The following KCTD6 variants were observed in gnomAD, a reference collection of about 807,000 sequenced individuals.
KCTD6 encodes the protein potassium channel tetramerization domain containing 6, also known as BTB/POZ domain-containing protein KCTD6.
A neutral mutation model predicts 18.7 loss-of-function variants in KCTD6; 6 were observed. That is an observed-to-expected ratio of 0.32 (90% CI 0.18 to 0.63). The LOEUF (loss-of-function observed/expected upper bound fraction) is 0.63, where lower values mean the gene tolerates loss of function less well. Ranked by LOEUF, KCTD6 falls within the 30% of genes least tolerant of loss-of-function variation. The pLI, the probability that KCTD6 is intolerant of heterozygous loss-of-function variation, is 0.79. For synonymous variants in KCTD6, 86 were observed against 108.5 expected (o/e 0.79, Z 1.29); for missense variants, 165 against 300.2 (o/e 0.55, Z 3.33).
chr3:58,502,328 C>CA lies in KCTD6; in HGVS notation c.*700dup, dbSNP rs2063208520. On this transcript the variant is annotated 3_prime_UTR_variant, in exon 3 of 3. Transcript: ENST00000404589. ...TGTACTGTCTACCAGAAAAAAAAAA[C>CA]AAAACTAATAAAAAATGAAATATGA... is the stretch of plus-strand genomic sequence containing the variant. The CA allele has an allele frequency of 6.8e-6, 1 of 147,632 alleles. No homozygotes were observed. Among genetic ancestry groups the CA allele is most frequent in the South Asian group, 2.1e-4 (1 of 4,682 alleles). 9.1% of individuals were successfully genotyped at this position (147,632 alleles called of 1,614,324 possible).
chr3:58,501,671 G>A lies in KCTD6; in HGVS notation c.*39G>A. On this transcript the variant is annotated 3_prime_UTR_variant, in exon 3 of 3. Coordinates refer to ENST00000404589, the MANE Select transcript of KCTD6 (RefSeq NM_001128214.2). This position sits in a 1 kb window ranked among gnomAD's most constrained non-coding sequence, Gnocchi z 9.7. Reference sequence around the variant, plus strand: ...CACAGGTTCCTGGAAAGACTCTCCAGGAAATGGAAGATACTGATTTTTTTT... The same window carrying A: ...CACAGGTTCCTGGAAAGACTCTCCAAGAAATGGAAGATACTGATTTTTTTT... 2 of 1,245,866 alleles carry A rather than the reference G, an allele frequency of 1.6e-6. No individual in the cohort carries two copies. The highest frequency in any genetic ancestry group is 2.1e-6 in the Non-Finnish European group (2 of 966,268). 77.2% of individuals were successfully genotyped at this position (1,245,866 alleles called of 1,614,324 possible).
chr3:58,499,347 A>G (rs2063194288), intron 2 of KCTD6, among the ~76,000 whole-genome samples: 2 of 152,124 alleles, frequency 1.3e-5, no homozygotes, highest in Admixed American at 1.3e-4. Flanking sequence ...CTTCATGAAT[A>G]GTGACTACAA....
chr3:58,492,116 T>C lies in KCTD6; in HGVS notation c.-97T>C, dbSNP rs2107971717. 6.7e-6 allele frequency: 1 copy of C among 148,666 alleles called. No individual in the cohort carries two copies. The highest frequency in any genetic ancestry group is 6.7e-5 in the Admixed American group (1 of 14,924). 9.2% of individuals were successfully genotyped at this position (148,666 alleles called of 1,614,324 possible). On this transcript the variant is annotated 5_prime_UTR_variant, in exon 1 of 3. Coordinates refer to ENST00000404589, the MANE Select transcript of KCTD6 (RefSeq NM_001128214.2). The surrounding 1 kb of genome is among the most constrained non-coding windows in gnomAD (Gnocchi z 6.1). ...GGCTCGCTTGTCCCCGCGCTCGCGC[T>C]CTCCGGCCGCGGGCATCTCCCGGCC...
Position 58,498,661 on chromosome 3 carries a change from C to G in KCTD6, c.-43-52C>G, listed in dbSNP as rs149884323. ...GTTGGGTGGAAAAAGACTTTCTTCT[C>G]TATTTTCCTAGTTATATATGCTATC... On this transcript the variant is annotated intron_variant, in intron 1 of 2. Coordinates refer to ENST00000404589, the MANE Select transcript of KCTD6 (RefSeq NM_001128214.2). The surrounding 1 kb of genome is among the most constrained non-coding windows in gnomAD (Gnocchi z 4.6). 4.2e-6 allele frequency: 4 copies of G among 948,120 alleles called. No homozygotes were observed. Among genetic ancestry groups the G allele is most frequent in the Non-Finnish European group, 6.8e-6 (4 of 588,450 alleles). 58.7% of individuals were successfully genotyped at this position (948,120 alleles called of 1,614,324 possible). A position where few individuals can be genotyped will look rare whatever the true frequency, so the allele number is the denominator to read the frequency against.
Position 58,497,142 on chromosome 3 carries a change from C to A in KCTD6, c.-43-1571C>A, listed in dbSNP as rs2063178381. Among the ~76,000 whole-genome samples, 1 of 152,192 alleles carries A rather than the reference C, an allele frequency of 6.6e-6. No individual in the cohort carries two copies. Among genetic ancestry groups the A allele is most frequent in the Non-Finnish European group, 1.5e-5 (1 of 68,024 alleles). On this transcript the variant is annotated intron_variant, in intron 1 of 2. Coordinates refer to ENST00000404589, the MANE Select transcript of KCTD6 (RefSeq NM_001128214.2). The surrounding 1 kb of genome is among the most constrained non-coding windows in gnomAD (Gnocchi z 4.2). Reference sequence around the variant, plus strand: ...TAGCATGTGGAGGCCTGTCTATATCCAACTGCTGAGTGTAAAGAATAAAAA... The same window carrying A: ...TAGCATGTGGAGGCCTGTCTATATCAAACTGCTGAGTGTAAAGAATAAAAA...
intron 2 of KCTD6, chr3:58,500,278 A>ATTTTTTTTTT (rs66715551): frequency 2.5e-5 from 3 of 119,116 alleles, no homozygotes; most frequent in Non-Finnish European, 3.4e-5. Flanking sequence ...CACCCAGTGA[A>ATTTTTTTTTT]TTTTTTTTTT....
chr3:58,499,262 C>T (rs931472073), intron 2 of KCTD6, among the ~76,000 whole-genome samples: 3 of 152,164 alleles, frequency 2.0e-5, no homozygotes, highest in Admixed American at 6.5e-5. Flanking sequence ...ATGGATTTTC[C>T]AAATACTTTT....
rs1189577133 is a variant in KCTD6 at position 58,492,465 on chromosome 3, C to T, written c.-44+296C>T. On this transcript the variant is annotated intron_variant, in intron 1 of 2. Coordinates refer to ENST00000404589, the MANE Select transcript of KCTD6 (RefSeq NM_001128214.2). The surrounding 1 kb of genome is among the most constrained non-coding windows in gnomAD (Gnocchi z 6.1). ...CCGCGGCGCGCCCCTCGTCCGGGCC[C>T]GGAGCATCGCCCGCCCTACCCCTGG... Among the ~76,000 whole-genome samples the T allele has an allele frequency of 1.3e-5, 2 of 151,730 alleles. No individual in the cohort carries two copies. The highest frequency in any genetic ancestry group is 6.6e-5 in the Admixed American group (1 of 15,252).
chr3:58,497,297 G>A lies in KCTD6; in HGVS notation c.-43-1416G>A, dbSNP rs1295027345. On this transcript the variant is annotated intron_variant, in intron 1 of 2. Transcript: ENST00000404589. The surrounding 1 kb of genome is among the most constrained non-coding windows in gnomAD (Gnocchi z 4.2). ...ATGCAAATGTTCTCTACATGCCTGA[G>A]TGACCTTTTGAGAAAGAGCCTTTGT... Among the ~76,000 whole-genome samples, 5 of 152,240 alleles carry A rather than the reference G, an allele frequency of 3.3e-5. No homozygotes were observed. The highest frequency in any genetic ancestry group is 7.3e-5 in the Non-Finnish European group (5 of 68,048).
At position 58,498,558 on chromosome 3, in the gene KCTD6, T is replaced by C. The variant is rs1043087955; in HGVS notation, c.-43-155T>C. 1.7e-6 allele frequency: 1 copy of C among 600,032 alleles called. No homozygotes were observed. The highest frequency in any genetic ancestry group is 3.2e-5 in the Admixed American group (1 of 31,488). 37.2% of individuals were successfully genotyped at this position (600,032 alleles called of 1,614,324 possible). A position where few individuals can be genotyped will look rare whatever the true frequency, so the allele number is the denominator to read the frequency against. On this transcript the variant is annotated intron_variant, in intron 1 of 2. Transcript: ENST00000404589. This position sits in a 1 kb window ranked among gnomAD's most constrained non-coding sequence, Gnocchi z 4.6. Reference sequence around the variant, plus strand: ...ATGTAGAAGGCCCTAGGGGAATGCTTTCTTCCCCAGATCTTTGCCCTGTAG... The same window carrying C: ...ATGTAGAAGGCCCTAGGGGAATGCTCTCTTCCCCAGATCTTTGCCCTGTAG...
intron 2 of KCTD6, among the ~76,000 whole-genome samples, chr3:58,499,545 TC>T (rs1425736173): frequency 1.5e-5 from 2 of 137,392 alleles, no homozygotes; most frequent in Non-Finnish European, 3.1e-5. Flanking sequence ...TTTTCTTTCT[TC>T]CTTTTTTTTT....
In KCTD6 at chr3:58,492,994, C is replaced by A. The variant is rs745476739; in HGVS notation, c.-44+825C>A. On this transcript the variant is annotated intron_variant, in intron 1 of 2. Coordinates refer to ENST00000404589, the MANE Select transcript of KCTD6 (RefSeq NM_001128214.2). The surrounding 1 kb of genome is among the most constrained non-coding windows in gnomAD (Gnocchi z 6.1). ...CAAAGTGACCTGGGATGACCCGGCT[C>A]GGCTAAGAATATTTGGGGTAGCCTA... 6.6e-6 allele frequency among the ~76,000 whole-genome samples: 1 copy of A among 152,174 alleles called. No homozygotes were observed. Among genetic ancestry groups the A allele is most frequent in the Non-Finnish European group, 1.5e-5 (1 of 68,028 alleles).
Position 58,501,718 on chromosome 3 carries a change from T to A in KCTD6, c.*86T>A. The A allele has an allele frequency of 1.1e-6, 1 of 923,676 alleles. No individual in the cohort carries two copies. Among genetic ancestry groups the A allele is most frequent in the Non-Finnish European group, 1.4e-6 (1 of 692,156 alleles). The allele number at this position is 923,676 out of a possible 1,614,324, so 57.2% of individuals were successfully genotyped here. A position where few individuals can be genotyped will look rare whatever the true frequency, so the allele number is the denominator to read the frequency against. On this transcript the variant is annotated 3_prime_UTR_variant, in exon 3 of 3. Transcript: ENST00000404589. This position sits in a 1 kb window ranked among gnomAD's most constrained non-coding sequence, Gnocchi z 9.7. Reference sequence around the variant, plus strand: ...TTTTTTTAAATCACAGTGTGAGATATTTTTTTTCTTTTAAATAGTTGTATT... The same window carrying A: ...TTTTTTTAAATCACAGTGTGAGATAATTTTTTTCTTTTAAATAGTTGTATT...
At position 58,498,629 on chromosome 3, in the gene KCTD6, C is replaced by T. The variant is rs550184361; in HGVS notation, c.-43-84C>T. The T allele has an allele frequency of 1.3e-6, 1 of 772,930 alleles. No individual in the cohort carries two copies. The highest frequency in any genetic ancestry group is 2.3e-5 in the Admixed American group (1 of 43,642). 47.9% of individuals were successfully genotyped at this position (772,930 alleles called of 1,614,324 possible). A position where few individuals can be genotyped will look rare whatever the true frequency, so the allele number is the denominator to read the frequency against. ...ACGAGTAGTTTTTCTGGTGTTTGGC[C>T]TCCTCTGTTGGGTGGAAAAAGACTT... On this transcript the variant is annotated intron_variant, in intron 1 of 2. Transcript: ENST00000404589. This position sits in a 1 kb window ranked among gnomAD's most constrained non-coding sequence, Gnocchi z 4.6.
At position 58,501,708 on chromosome 3, in the gene KCTD6, G is replaced by A. The variant is rs1208972294; in HGVS notation, c.*76G>A. The A allele has an allele frequency of 3.0e-6, 3 of 996,000 alleles. No individual in the cohort carries two copies. The highest frequency in any genetic ancestry group is 3.4e-5 in the African/African-American group (2 of 59,496). 61.7% of individuals were successfully genotyped at this position (996,000 alleles called of 1,614,324 possible). On this transcript the variant is annotated 3_prime_UTR_variant, in exon 3 of 3. Coordinates refer to ENST00000404589, the MANE Select transcript of KCTD6 (RefSeq NM_001128214.2). This position sits in a 1 kb window ranked among gnomAD's most constrained non-coding sequence, Gnocchi z 9.7. ...TACTGATTTTTTTTTTTAAATCACAGTGTGAGATATTTTTTTTCTTTTAAA... is the reference window on the plus strand; with the variant it reads ...TACTGATTTTTTTTTTTAAATCACAATGTGAGATATTTTTTTTCTTTTAAA...
chr3:58,498,491 C>T lies in KCTD6; in HGVS notation c.-43-222C>T, dbSNP rs932943453. 2.2e-6 allele frequency: 1 copy of T among 455,400 alleles called. No individual in the cohort carries two copies. The highest frequency in any genetic ancestry group is 3.5e-5 in the South Asian group (1 of 28,478). The allele number at this position is 455,400 out of a possible 1,614,324, so 28.2% of individuals were successfully genotyped here. On this transcript the variant is annotated intron_variant, in intron 1 of 2. Transcript: ENST00000404589. The surrounding 1 kb of genome is among the most constrained non-coding windows in gnomAD (Gnocchi z 4.6). The stretch of plus-strand genomic sequence containing the variant: ...AGTTCTTTCTCTGAAAATCTTCAGT[C>T]TCTTAGTTCCAGATGGGTTCTCTAT...
In KCTD6 at chr3:58,496,665, C is replaced by T. The variant is rs2063176498; in HGVS notation, c.-43-2048C>T. ...CCCCTCTCACGGGCCTCTGCTGGTC[C>T]ATCTGTTATACAGCACTTTGAATTC... On this transcript the variant is annotated intron_variant, in intron 1 of 2. Coordinates refer to ENST00000404589, the MANE Select transcript of KCTD6 (RefSeq NM_001128214.2). This position sits in a 1 kb window ranked among gnomAD's most constrained non-coding sequence, Gnocchi z 5.1. 6.6e-6 allele frequency among the ~76,000 whole-genome samples: 1 copy of T among 152,198 alleles called. No homozygotes were observed. Among genetic ancestry groups the T allele is most frequent in the African/African-American group, 2.4e-5 (1 of 41,436 alleles).
rs1387005591 is a variant in KCTD6, at chr3:58,493,806, G to C, written c.-44+1637G>C. On this transcript the variant is annotated intron_variant, in intron 1 of 2. Coordinates refer to ENST00000404589, the MANE Select transcript of KCTD6 (RefSeq NM_001128214.2). This position sits in a 1 kb window ranked among gnomAD's most constrained non-coding sequence, Gnocchi z 4.5. ...GTCTAATACTTGCTAGTTTACAGAT[G>C]GTTTTATATTCATGATCTCCCTTAT... 6.6e-6 allele frequency: 1 copy of C among 152,162 alleles called. No homozygotes were observed. The highest frequency in any genetic ancestry group is 1.5e-5 in the Non-Finnish European group (1 of 68,026). The allele number at this position is 152,162 out of a possible 1,614,324, so 9.4% of individuals were successfully genotyped here. A position where few individuals can be genotyped will look rare whatever the true frequency, so the allele number is the denominator to read the frequency against.
chr3:58,499,564 TC>T (rs1553853112), intron 2 of KCTD6, among the ~76,000 whole-genome samples: 5 of 144,836 alleles, frequency 3.5e-5, no homozygotes, highest in African/African-American at 1.1e-4. Context: ...TTTTTTTTTT[TC>T]GAGACAGGGT....
Sources: allele counts gnomAD v4.1 joint callset (sites outside exome capture counted in the v4.1 genomes callset), GRCh38; gene constraint gnomAD v4.1.1; non-coding constraint Gnocchi (gnomAD v3.1); transcripts MANE v1.5; gene names NCBI Gene and HGNC (gene_info 2026-07-23, HGNC 2026-07-21).